UNC13C: variants seen among roughly 807,000 people sequenced by gnomAD.
The protein encoded by UNC13C is protein unc-13 homolog C.
In UNC13C, 174 loss-of-function variants were observed where a neutral mutation model predicts 245.4. The observed-to-expected ratio is 0.71, with a 90% CI of 0.63 to 0.80. The LOEUF is 0.80. Among genes scored for constraint, UNC13C ranks in the 30% least tolerant of loss-of-function variants. UNC13C has a pLI of 0.00. For missense variants in UNC13C, 2,829 were observed against 2,602.9 expected (o/e 1.09, Z -1.89); for synonymous variants, 992 against 895.1 (o/e 1.11, Z -1.93).
At chr15:54,589,442 G>T (rs561477598) in intron 30 of UNC13C, among the ~76,000 whole-genome samples, 1 of 151,622 alleles carries the variant, frequency 6.6e-6, no homozygotes. Flanking sequence ...GGGATTACAG[G>T]CACATGCCAC....
At chr15:54,297,677 G>T in intron 11 of UNC13C, 134 bp from the exon 12 acceptor site, 1 of 688,176 alleles carries the variant, frequency 1.5e-6, no homozygotes, top group Non-Finnish European at 2.6e-6. Context: ...TTAATAAGCA[G>T]CTCTGACTCA....
At chr15:54,455,205 C>CTATATATATATATATATA (rs1214014395) in intron 19 of UNC13C, among the ~76,000 whole-genome samples, 25 of 18,940 alleles carry the variant, frequency 1.3e-3, no homozygotes, top group Admixed American at 1.8e-3. Context: ...CTCTCTCTCT[C>CTATATATATATATATATA]TATATATATA....
chr15:53,877,372 A>T, the UNC13C span, among the ~76,000 whole-genome samples: 1 of 152,122 alleles, frequency 6.6e-6, no homozygotes, highest in Non-Finnish European at 1.5e-5. Context: ...ACTCTTAGAA[A>T]CATAGGCTCA....
chr15:54,400,311 C>T (rs1045273826), intron 18 of UNC13C, among the ~76,000 whole-genome samples: 1 of 151,950 alleles, frequency 6.6e-6, no homozygotes, highest in African/African-American at 2.4e-5. Flanking sequence ...AAGGTGTTAG[C>T]ATTGCATATG....
At chr15:54,045,286 C>G (rs929771527) in intron 2 of UNC13C, among the ~76,000 whole-genome samples, 1 of 152,006 alleles carries the variant, frequency 6.6e-6, no homozygotes, top group Non-Finnish European at 1.5e-5. Context: ...ATCTAGTTGT[C>G]TAGCAACATT....
In UNC13C at chr15:54,211,440, T is replaced by C. The variant is rs555735410; in HGVS notation, c.3072-23590T>C. Among the ~76,000 whole-genome samples, 5 of 152,164 alleles carry C rather than the reference T, an allele frequency of 3.3e-5. No homozygotes were observed. The South Asian group carries it at 6.2e-4, about 19-fold the overall frequency. On this transcript the variant is annotated intron_variant, in intron 4 of 32. Coordinates refer to ENST00000260323, the MANE Select transcript of UNC13C (RefSeq NM_001080534.3). ...TTAATACTTGTAGGTTTTATTCAAG[T>C]AGGAAAAAAAAGTCCTACTTGGTAG...
rs189974428 is a variant in UNC13C at position 54,030,037 on chromosome 15, G to T, written c.2983+14151G>T. On this transcript the variant is annotated intron_variant, in intron 2 of 32. Transcript: ENST00000260323. Reference sequence around the variant, plus strand: ...CAGCACACTGAACCCAAGTCTGGAGGTCTTAGCTGAGTCAAGTCCCTATTG... The same window carrying T: ...CAGCACACTGAACCCAAGTCTGGAGTTCTTAGCTGAGTCAAGTCCCTATTG... 4.5e-3 allele frequency among the ~76,000 whole-genome samples: 685 copies of T among 152,290 alleles called. 5 individuals are homozygous for T. The highest frequency in any genetic ancestry group is 6.0e-3 in the South Asian group (29 of 4,816).
intron 4 of UNC13C, among the ~76,000 whole-genome samples, chr15:54,201,503 G>A (rs1268209443): frequency 6.6e-6 from 1 of 151,802 alleles, no homozygotes; most frequent in Non-Finnish European, 1.5e-5. Flanking sequence ...TGCAGGGATG[G>A]TTTAACATAC....
chr15:54,056,532 T>C (rs913414025), intron 2 of UNC13C, among the ~76,000 whole-genome samples: 2 of 152,130 alleles, frequency 1.3e-5, no homozygotes, highest in African/African-American at 4.8e-5. Context: ...TTGGAAAACA[T>C]TCTGCAGGAT....
chr15:54,407,143 T>C (rs561755247), intron 18 of UNC13C, among the ~76,000 whole-genome samples: 1 of 152,276 alleles, frequency 6.6e-6, no homozygotes, highest in South Asian at 2.1e-4. Context: ...TAGTTAGAAA[T>C]ATGATGGCCT....
At chr15:54,418,845 G>A (rs1298347714) in intron 19 of UNC13C, among the ~76,000 whole-genome samples, 1 of 152,096 alleles carries the variant, frequency 6.6e-6, no homozygotes, top group African/African-American at 2.4e-5. Flanking sequence ...TACATTGAAG[G>A]AAAGCATCAG....
intron 29 of UNC13C, among the ~76,000 whole-genome samples, chr15:54,566,382 C>A (rs1193622101): frequency 6.6e-6 from 1 of 152,126 alleles, no homozygotes; most frequent in Non-Finnish European, 1.5e-5. Context: ...AATGTTTTAA[C>A]ATTCTTTATA....
At chr15:53,839,693 T>G in the UNC13C span, among the ~76,000 whole-genome samples, 2 of 152,080 alleles carry the variant, frequency 1.3e-5, no homozygotes, top group African/African-American at 4.8e-5. Flanking sequence ...GGCTTATTTC[T>G]AACATCTTAT....
chr15:54,597,590 G>A (rs962369674), intron 30 of UNC13C, among the ~76,000 whole-genome samples: 19 of 152,240 alleles, frequency 1.2e-4, no homozygotes, highest in Non-Finnish European at 2.1e-4. Context: ...GAGAGTACCC[G>A]CTGTGTAAAA....
chr15:54,197,863 C>G (rs1378124707), intron 4 of UNC13C, among the ~76,000 whole-genome samples: 1 of 152,078 alleles, frequency 6.6e-6, no homozygotes, highest in East Asian at 1.9e-4. Context: ...TGCAGGCTCC[C>G]TGAGACACCA....
intron 4 of UNC13C, among the ~76,000 whole-genome samples, chr15:54,150,944 A>G (rs1451116924): frequency 2.0e-5 from 3 of 152,178 alleles, no homozygotes; most frequent in African/African-American, 7.2e-5. Flanking sequence ...TAATCATAAA[A>G]CTGACTCAGA....
chr15:54,313,186 G>C (rs2037919950), intron 13 of UNC13C, among the ~76,000 whole-genome samples: 1 of 151,708 alleles, frequency 6.6e-6, no homozygotes, highest in Non-Finnish European at 1.5e-5. Flanking sequence ...CTGATTATAA[G>C]TAGAATATTA....
At chr15:54,379,622 C>G (rs540575315) in intron 17 of UNC13C, among the ~76,000 whole-genome samples, 1 of 152,046 alleles carries the variant, frequency 6.6e-6, no homozygotes, top group South Asian at 2.1e-4. Context: ...TTTCAGTTAT[C>G]CTGATTTAGT....
At chr15:54,333,313 A>G (rs2038489091) in intron 15 of UNC13C, among the ~76,000 whole-genome samples, 1 of 152,032 alleles carries the variant, frequency 6.6e-6, no homozygotes, top group South Asian at 2.1e-4. Context: ...TATGATGCAA[A>G]CTTATTTTTT....
Sources: gnomAD v4.1 joint callset for allele counts (sites outside exome capture counted in the v4.1 genomes callset) on GRCh38, gnomAD v4.1.1 for gene constraint, MANE v1.5 for transcripts, NCBI Gene and HGNC (gene_info 2026-07-23, HGNC 2026-07-21) for gene names.